The following GOLPH3L variants were observed in gnomAD, a reference collection of about 807,000 sequenced individuals.
GOLPH3L encodes the protein golgi phosphoprotein 3 like.
GOLPH3L carries 22 observed loss-of-function variants against 30.3 expected under a neutral mutation model. The ratio of observed to expected loss-of-function variants is 0.73; its 90% confidence interval spans 0.52 to 1.04. GOLPH3L has a LOEUF of 1.04. Among genes scored for constraint, GOLPH3L ranks in the 50% least tolerant of loss-of-function variants. The pLI is 0.00. For missense variants in GOLPH3L, 303 were observed against 345.8 expected, an observed-to-expected ratio of 0.88 and a Z score of 0.98; for synonymous variants, 120 against 128.2, an observed-to-expected ratio of 0.94 and a Z score of 0.43.
chr1:150,695,488 C>T (rs1651329810), intron 1 of GOLPH3L, among the ~76,000 whole-genome samples: 1 of 152,120 alleles, frequency 6.6e-6, no homozygotes, highest in Admixed American at 6.5e-5. Context: ...GAATATCCAC[C>T]ATTGTCACTC....
chr1:150,661,356 C>T (rs1158784620), intron 4 of GOLPH3L, among the ~76,000 whole-genome samples: 5 of 152,144 alleles, frequency 3.3e-5, no homozygotes, highest in Non-Finnish European at 7.3e-5. Flanking sequence ...CATGTTCAAA[C>T]AAAAACTTGT....
At chr1:150,693,819 GTATATATA>G (rs1175095529) in intron 2 of GOLPH3L, among the ~76,000 whole-genome samples, 33 of 86,850 alleles carry the variant, frequency 3.8e-4, no homozygotes, top group Non-Finnish European at 5.8e-4. Flanking sequence ...GTGTGTGTGT[GTATATATA>G]TATATATATA....
In GOLPH3L at chr1:150,648,482, C is replaced by T; in HGVS notation, c.697G>A (p.Asp233Asn). ...GAGGAGAAGACATTCTCTAGCACAT[C>T]AGAGGAGTGGGCTAGCACCAGGAGT... is the stretch of plus-strand genomic sequence containing the variant. ...LALLVLAHSS[D>N]VLENVFSSLT... The change falls in exon 5 of 5, where the codon GAT (aspartate) becomes AAT (asparagine). Residue 233 changes from aspartate (D) to asparagine (N), a missense_variant. Physicochemically the swap from Asp to Asn is conservative, Grantham distance 23 (BLOSUM62 1). Coordinates refer to ENST00000271732, the MANE Select transcript of GOLPH3L (RefSeq NM_018178.6). 1 of 1,614,068 alleles carries T rather than the reference C, an allele frequency of 6.2e-7. No homozygotes were observed.
intron 2 of GOLPH3L, among the ~76,000 whole-genome samples, chr1:150,691,214 T>C (rs1651203274): frequency 6.6e-6 from 1 of 151,490 alleles, no homozygotes; most frequent in South Asian, 2.1e-4. Context: ...CCGGGAGCAG[T>C]AGTTTACGCC....
At chr1:150,673,060 A>G (rs1650679859) in intron 2 of GOLPH3L, among the ~76,000 whole-genome samples, 1 of 152,144 alleles carries the variant, frequency 6.6e-6, no homozygotes, top group Non-Finnish European at 1.5e-5. Flanking sequence ...TGTCAGTGAA[A>G]GGGAAATGCA....
At chr1:150,691,352 C>T (rs1328452031) in intron 2 of GOLPH3L, among the ~76,000 whole-genome samples, 1 of 151,952 alleles carries the variant, frequency 6.6e-6, no homozygotes, top group African/African-American at 2.4e-5. Flanking sequence ...CCCATCTCTA[C>T]TAAAAATACA....
At chr1:150,652,566 A>G (rs1650147928) in intron 4 of GOLPH3L, among the ~76,000 whole-genome samples, 1 of 152,090 alleles carries the variant, frequency 6.6e-6, no homozygotes, top group Admixed American at 6.6e-5. Context: ...GGCTGAGAGC[A>G]GGACACACTA....
Position 150,648,167 on chromosome 1 carries a change from T to C in GOLPH3L, c.*154A>G. 1.7e-6 allele frequency: 1 copy of C among 602,832 alleles called. No homozygotes were observed. Among genetic ancestry groups the C allele is most frequent in the Non-Finnish European group, 2.9e-6 (1 of 341,012 alleles). The allele number at this position is 602,832 out of a possible 1,614,324, so 37.3% of individuals were successfully genotyped here. On this transcript the variant is annotated 3_prime_UTR_variant, in exon 5 of 5. Coordinates refer to ENST00000271732, the MANE Select transcript of GOLPH3L (RefSeq NM_018178.6). ...GTCTGCTTATAATGGTCAAGGTCTA[T>C]GGAGAAGCCCTGAAGTTGCTCTCCC...
chr1:150,647,699 T>G lies in GOLPH3L; in HGVS notation c.*622A>C, dbSNP rs1650016868. On this transcript the variant is annotated 3_prime_UTR_variant, in exon 5 of 5. Transcript: ENST00000271732. The stretch of plus-strand genomic sequence containing the variant: ...TGCTAAGAGGGATGAGAGAATATAT[T>G]TCTGGCTCTAGGACTTTGACATCCA... 6.6e-6 allele frequency: 1 copy of G among 152,600 alleles called. No individual in the cohort carries two copies. Among genetic ancestry groups the G allele is most frequent in the Non-Finnish European group, 1.5e-5 (1 of 68,044 alleles). The allele number at this position is 152,600 out of a possible 1,614,324, so 9.5% of individuals were successfully genotyped here.
At chr1:150,693,817 G>GTA in intron 2 of GOLPH3L, among the ~76,000 whole-genome samples, 1 of 62,812 alleles carries the variant, frequency 1.6e-5, no homozygotes, top group African/African-American at 9.2e-5. Flanking sequence ...GTGTGTGTGT[G>GTA]TGTATATATA....
At chr1:150,684,535 T>G (rs11204695) in intron 2 of GOLPH3L, among the ~76,000 whole-genome samples, 59,516 of 151,938 alleles carry the variant, frequency 0.39, 13,325 homozygotes, top group Non-Finnish European at 0.5. Context: ...TACTCATATT[T>G]ATCTCTTTTT....
intron 2 of GOLPH3L, among the ~76,000 whole-genome samples, chr1:150,689,676 ACT>A (rs1390506794): frequency 4.6e-5 from 7 of 152,072 alleles, no homozygotes; most frequent in Non-Finnish European, 8.8e-5. Context: ...AGGCAGTCTT[ACT>A]CTGTCACCCA....
At position 150,648,147 on chromosome 1, in the gene GOLPH3L, CT is replaced by C. The variant is rs1355824582; in HGVS notation, c.*173del. 1.4e-5 allele frequency: 8 copies of C among 564,620 alleles called. No homozygotes were observed. The highest frequency in any genetic ancestry group is 3.1e-5 in the Admixed American group (1 of 31,984). The allele number at this position is 564,620 out of a possible 1,614,324, so 35.0% of individuals were successfully genotyped here. A position where few individuals can be genotyped will look rare whatever the true frequency, so the allele number is the denominator to read the frequency against. ...GAAGTGTAGGGAGAAATAAGGTCTGCTTATAATGGTCAAGGTCTATGGAGAA... is the reference window on the plus strand; with the variant it reads ...GAAGTGTAGGGAGAAATAAGGTCTGCTATAATGGTCAAGGTCTATGGAGAA... On this transcript the variant is annotated 3_prime_UTR_variant, in exon 5 of 5. Coordinates refer to ENST00000271732, the MANE Select transcript of GOLPH3L (RefSeq NM_018178.6).
intron 2 of GOLPH3L, among the ~76,000 whole-genome samples, chr1:150,679,650 A>G (rs587753661): frequency 1.3e-5 from 2 of 152,298 alleles, no homozygotes; most frequent in South Asian, 4.1e-4. Context: ...AATAAAAAAA[A>G]TTAGCCAGGC....
rs1225677880 is a variant in GOLPH3L at position 150,676,634 on chromosome 1, A to ATT, written c.184-12873_184-12872dup. Among the ~76,000 whole-genome samples, 48 of 120,942 alleles carry ATT rather than the reference A, an allele frequency of 4.0e-4. 1 individual carries two copies. Among genetic ancestry groups the ATT allele is most frequent in the South Asian group, 2.1e-3 (8 of 3,886 alleles). 79.3% of individuals were successfully genotyped at this position (120,942 alleles called of 152,430 possible). ...TAGTCTTCTGTATTTCATACATTCT[A>ATT]TTTTTTTTTTTTTTTTTTTGAGATG... On this transcript the variant is annotated intron_variant, in intron 2 of 4. Transcript: ENST00000271732.
intron 4 of GOLPH3L, among the ~76,000 whole-genome samples, chr1:150,654,219 TA>T (rs1345433098): frequency 6.6e-6 from 1 of 151,168 alleles, no homozygotes; most frequent in South Asian, 2.1e-4. Flanking sequence ...AAAAATATAC[TA>T]GGGGGGCTGG....
At chr1:150,676,964 G>C (rs587739318) in intron 2 of GOLPH3L, among the ~76,000 whole-genome samples, 8 of 151,670 alleles carry the variant, frequency 5.3e-5, no homozygotes, top group African/African-American at 1.9e-4. Flanking sequence ...AATTTTAAAA[G>C]TAAAATGAAA....
intron 4 of GOLPH3L, among the ~76,000 whole-genome samples, chr1:150,654,795 G>A (rs1650205796): frequency 6.6e-6 from 1 of 152,204 alleles, no homozygotes; most frequent in South Asian, 2.1e-4. Flanking sequence ...CAAAAGCTGT[G>A]AGCCTTCTGC....
chr1:150,691,251 C>T (rs1328463249), intron 2 of GOLPH3L, among the ~76,000 whole-genome samples: 1 of 151,858 alleles, frequency 6.6e-6, no homozygotes, highest in East Asian at 1.9e-4. Flanking sequence ...TGGGAGGCCA[C>T]ACCTATAATC....
Sources: allele counts gnomAD v4.1 joint callset (sites outside exome capture counted in the v4.1 genomes callset), GRCh38; gene constraint gnomAD v4.1.1; transcripts MANE v1.5; gene names NCBI Gene and HGNC (gene_info 2026-07-23, HGNC 2026-07-21).